MED13L: variants seen among roughly 807,000 people sequenced by gnomAD.
MED13L encodes the protein mediator complex subunit 13L, also known as mediator of RNA polymerase II transcription subunit 13-like.
In MED13L, 7 loss-of-function variants were observed where a neutral mutation model predicts 220.9. The observed-to-expected ratio is 0.03, with a 90% CI of 0.02 to 0.06. MED13L has a LOEUF of 0.06. Ranked by LOEUF, MED13L falls within the 10% of genes least tolerant of loss-of-function variation. The pLI is 1.00. For missense variants in MED13L, 1,965 were observed against 2,760.5 expected, an observed-to-expected ratio of 0.71 and a Z score of 6.46; for synonymous variants, 1,011 against 1,015.2, an observed-to-expected ratio of 1.00 and a Z score of 0.08.
At chr12:116,010,429 T>C (rs1879323098) in intron 9 of MED13L, among the ~76,000 whole-genome samples, 1 of 152,232 alleles carries the variant, frequency 6.6e-6, no homozygotes, top group African/African-American at 2.4e-5. Flanking sequence ...AGAGACACTT[T>C]ATGATACCCT....
intron 21 of MED13L, among the ~76,000 whole-genome samples, chr12:115,982,889 T>C (rs1452343447): frequency 6.6e-6 from 1 of 152,212 alleles, no homozygotes; most frequent in Non-Finnish European, 1.5e-5. Context: ...ATTAAGTTGA[T>C]AGTAAGTAAG....
At chr12:116,182,406 ACCTT>A (rs1381652206) in intron 2 of MED13L, among the ~76,000 whole-genome samples, 2 of 152,086 alleles carry the variant, frequency 1.3e-5, no homozygotes, top group African/African-American at 2.4e-5. Flanking sequence ...TCAACTGATG[ACCTT>A]CCTTCCTTTT....
chr12:116,082,628 G>C (rs895010241), intron 4 of MED13L: 1 of 151,782 alleles, frequency 6.6e-6, no homozygotes, highest in Non-Finnish European at 1.5e-5. Context: ...GATTAACATG[G>C]CCCCTGCACA....
At chr12:116,071,843 T>C (rs923553063) in intron 4 of MED13L, among the ~76,000 whole-genome samples, 12 of 152,206 alleles carry the variant, frequency 7.9e-5, no homozygotes, top group African/African-American at 2.9e-4. Flanking sequence ...TTCAAACTAC[T>C]ATTACAACAT....
intron 14 of MED13L, among the ~76,000 whole-genome samples, chr12:115,999,658 T>C (rs1453740232): frequency 6.6e-6 from 1 of 151,952 alleles, no homozygotes; most frequent in African/African-American, 2.4e-5. Flanking sequence ...TTCTTATAAG[T>C]ATCCTATGAC....
In MED13L at chr12:116,215,842, A is replaced by G. The variant is rs763917575; in HGVS notation, c.310+21626T>C. Among the ~76,000 whole-genome samples the G allele has an allele frequency of 2.0e-5, 3 of 152,252 alleles. No homozygotes were observed. The East Asian group carries it at 5.8e-4, about 29-fold the overall frequency. The stretch of plus-strand genomic sequence containing the variant: ...CCTCTTAATACTCTCCTTACCATCA[A>G]TGTCCCAGCCCCAATTTATTTAACA... On this transcript the variant is annotated intron_variant, in intron 2 of 30. Coordinates refer to ENST00000281928, the MANE Select transcript of MED13L (RefSeq NM_015335.5).
At chr12:116,269,358 T>C (rs1873074572) in intron 1 of MED13L, among the ~76,000 whole-genome samples, 1 of 149,856 alleles carries the variant, frequency 6.7e-6, no homozygotes, top group Non-Finnish European at 1.5e-5. Flanking sequence ...ACCCGGCCTA[T>C]CATCTAGGTA....
At chr12:116,111,097 C>A (rs1874038966) in intron 3 of MED13L, among the ~76,000 whole-genome samples, 1 of 151,982 alleles carries the variant, frequency 6.6e-6, no homozygotes, top group South Asian at 2.1e-4. Context: ...TGCTAATATA[C>A]CTTTGTCCTT....
At chr12:116,161,622 T>TA (rs1878861671) in intron 2 of MED13L, among the ~76,000 whole-genome samples, 1 of 152,082 alleles carries the variant, frequency 6.6e-6, no homozygotes, top group African/African-American at 2.4e-5. Context: ...GAGACAGATA[T>TA]AACCAACTAC....
intron 2 of MED13L, among the ~76,000 whole-genome samples, chr12:116,124,148 G>GAGAGAGACAGAGAC (rs1359230514): frequency 7.9e-4 from 74 of 93,872 alleles, no homozygotes; most frequent in African/African-American, 2.3e-3. Context: ...GAGAGAGAGA[G>GAGAGAGACAGAGAC]AGACAGAGAC....
intron 4 of MED13L, among the ~76,000 whole-genome samples, chr12:116,080,666 G>A (rs1288362302): frequency 3.3e-5 from 5 of 152,116 alleles, no homozygotes; most frequent in Non-Finnish European, 5.9e-5. Flanking sequence ...CGTTTTTTCC[G>A]TGGTAGCTGT....
intron 4 of MED13L, among the ~76,000 whole-genome samples, chr12:116,072,367 A>G (rs1023328484): frequency 6.6e-6 from 1 of 152,218 alleles, no homozygotes; most frequent in Admixed American, 6.5e-5. Context: ...CGTGCCTGCT[A>G]TGTGCTGTGT....
intron 11 of MED13L, 99 bp from the exon 12 acceptor site, chr12:116,006,510 T>C: frequency 1.1e-6 from 1 of 921,128 alleles, no homozygotes. Flanking sequence ...ATGGAACTTG[T>C]TATGAGCACA....
chr12:116,044,234 C>T (rs1881701001), intron 4 of MED13L, among the ~76,000 whole-genome samples: 1 of 151,964 alleles, frequency 6.6e-6, no homozygotes, highest in South Asian at 2.1e-4. Context: ...AACTTAAGCA[C>T]TTTTCAAATG....
At chr12:116,135,940 G>A (rs946285380) in intron 2 of MED13L, among the ~76,000 whole-genome samples, 20 of 144,740 alleles carry the variant, frequency 1.4e-4, no homozygotes, top group Admixed American at 2.1e-4. Context: ...GTCTCACTCT[G>A]TTGCCCAGGC....
Position 115,959,516 on chromosome 12 carries a change from T to C in MED13L, c.*1750A>G, listed in dbSNP as rs1315005577. ...ATTTTATACAAGTTTACAATCTTCATCTTCTTATGCTCTTCAAAAGGCCTT... is the reference window on the plus strand; with the variant it reads ...ATTTTATACAAGTTTACAATCTTCACCTTCTTATGCTCTTCAAAAGGCCTT... On this transcript the variant is annotated 3_prime_UTR_variant, in exon 31 of 31. Transcript: ENST00000281928. 3 of 152,628 alleles carry C rather than the reference T, an allele frequency of 2.0e-5. No homozygotes were observed. The highest frequency in any genetic ancestry group is 2.9e-5 in the Non-Finnish European group (2 of 68,032). The allele number at this position is 152,628 out of a possible 1,614,324, so 9.5% of individuals were successfully genotyped here. A position where few individuals can be genotyped will look rare whatever the true frequency, so the allele number is the denominator to read the frequency against.
chr12:116,138,460 G>A (rs1400147153), intron 2 of MED13L, among the ~76,000 whole-genome samples: 1 of 152,184 alleles, frequency 6.6e-6, no homozygotes, highest in Non-Finnish European at 1.5e-5. Context: ...CTCTCTCAAT[G>A]TTCTTTTCTG....
intron 1 of MED13L, among the ~76,000 whole-genome samples, chr12:116,244,453 T>C (rs1313360890): frequency 1.3e-5 from 2 of 152,160 alleles, no homozygotes; most frequent in East Asian, 3.8e-4. Flanking sequence ...GGATATAGCA[T>C]CAAAATTTTG....
At chr12:116,269,172 T>C (rs1471416205) in intron 1 of MED13L, among the ~76,000 whole-genome samples, 4 of 152,092 alleles carry the variant, frequency 2.6e-5, no homozygotes, top group African/African-American at 9.6e-5. Flanking sequence ...GATTCTCCTG[T>C]CTCAGCCTCC....
Sources: gnomAD v4.1 joint callset for allele counts (sites outside exome capture counted in the v4.1 genomes callset) on GRCh38, gnomAD v4.1.1 for gene constraint, MANE v1.5 for transcripts, NCBI Gene and HGNC (gene_info 2026-07-23, HGNC 2026-07-21) for gene names.